Variants in RIMBP2 observed in about 807,000 individuals in gnomAD.
RIMBP2 encodes the protein RIMS binding protein 2.
RIMBP2 carries 48 observed loss-of-function variants against 118.6 expected under a neutral mutation model. That is an observed-to-expected ratio of 0.40 (90% CI 0.32 to 0.51). The LOEUF (loss-of-function observed/expected upper bound fraction) is 0.51. Among genes scored for constraint, RIMBP2 ranks in the 20% least tolerant of loss-of-function variants. The probability of loss-of-function intolerance (pLI) is 0.41; values close to 1 mark genes in which losing one functional copy is unlikely to be tolerated. For missense variants in RIMBP2, 1,551 were observed against 1,768.3 expected (o/e 0.88, Z 2.20); for synonymous variants, 762 against 742.9 (o/e 1.03, Z -0.42).
At position 130,614,403 on chromosome 12, in the gene RIMBP2, C is replaced by T. The variant is rs7980265; in HGVS notation, c.-217+13919G>A. ...CCTCTGCCCTAACAACACAACACTT[C>T]TCACATGTTAGATGTGGAAAAACTG... is the stretch of plus-strand genomic sequence containing the variant. On this transcript the variant is annotated intron_variant, in intron 2 of 22. Coordinates refer to ENST00000690449, the MANE Select transcript of RIMBP2 (RefSeq NM_001393629.1). Among the ~76,000 whole-genome samples the T allele has an allele frequency of 7.0e-3, 1,059 of 152,288 alleles. 12 individuals carry two copies. Among genetic ancestry groups the T allele is most frequent in the African/African-American group, 0.024 (993 of 41,562 alleles).
At chr12:130,535,779 A>G (rs1036653346) in intron 2 of RIMBP2, among the ~76,000 whole-genome samples, 176 of 110,888 alleles carry the variant, frequency 1.6e-3, no homozygotes, top group South Asian at 7.6e-3. Context: ...ATATATATAT[A>G]TATACACATA....
rs932705510 is a variant in RIMBP2 at position 130,679,956 on chromosome 12, G to A, written c.-352+36266C>T. Among the ~76,000 whole-genome samples, 9 of 151,666 alleles carry A rather than the reference G, an allele frequency of 5.9e-5. No individual in the cohort carries two copies. In the East Asian group the frequency reaches 1.2e-3, roughly 20 times the overall value. ...GGGAAGGACCCGTGAGTGTGATCACGCAGGGAGTGTGTTCGCCCGCCGTGG... is the reference window on the plus strand; with the variant it reads ...GGGAAGGACCCGTGAGTGTGATCACACAGGGAGTGTGTTCGCCCGCCGTGG... On this transcript the variant is annotated intron_variant, in intron 1 of 22. Transcript: ENST00000690449.
chr12:130,509,694 C>A (rs746385622), intron 3 of RIMBP2, among the ~76,000 whole-genome samples: 2 of 151,008 alleles, frequency 1.3e-5, no homozygotes, highest in South Asian at 2.1e-4. Flanking sequence ...AGACTCCCAA[C>A]CTCCTTTGCA....
chr12:130,599,846 C>G (rs1246521862), intron 2 of RIMBP2, among the ~76,000 whole-genome samples: 1 of 152,160 alleles, frequency 6.6e-6, no homozygotes, highest in Admixed American at 6.5e-5. Flanking sequence ...TTCTTGGGGC[C>G]CCCAAATCAC....
chr12:130,530,020 A>G (rs776509351), intron 2 of RIMBP2, among the ~76,000 whole-genome samples: 2 of 152,104 alleles, frequency 1.3e-5, no homozygotes, highest in Non-Finnish European at 2.9e-5. Context: ...CCCACACTAT[A>G]AGGGAAAAGA....
chr12:130,543,098 A>G (rs2054757953), intron 2 of RIMBP2, among the ~76,000 whole-genome samples: 1 of 152,200 alleles, frequency 6.6e-6, no homozygotes, highest in African/African-American at 2.4e-5. Context: ...ATCTTTCAAT[A>G]TTCTGCCCTA....
Position 130,523,636 on chromosome 12 carries a change from T to C in RIMBP2, c.-216-5719A>G, listed in dbSNP as rs2052421702. ...CTGACAAGAGAAAGGAAAAAGCACGTTCTTTCAATAAACTTGTCAATTTTA... is the reference window on the plus strand; with the variant it reads ...CTGACAAGAGAAAGGAAAAAGCACGCTCTTTCAATAAACTTGTCAATTTTA... On this transcript the variant is annotated intron_variant, in intron 2 of 22. Coordinates refer to ENST00000690449, the MANE Select transcript of RIMBP2 (RefSeq NM_001393629.1). This position sits in a 1 kb window ranked among gnomAD's most constrained non-coding sequence, Gnocchi z 4.4. Among the ~76,000 whole-genome samples the C allele has an allele frequency of 1.3e-5, 2 of 152,156 alleles. No individual in the cohort carries two copies. Among genetic ancestry groups the C allele is most frequent in the African/African-American group, 4.8e-5 (2 of 41,438 alleles).
At chr12:130,665,119 C>T (rs1290326918) in intron 1 of RIMBP2, among the ~76,000 whole-genome samples, 2 of 151,660 alleles carry the variant, frequency 1.3e-5, no homozygotes, top group Non-Finnish European at 2.9e-5. Context: ...GAAGAGGGGG[C>T]CCTGGGAATT....
chr12:130,451,131 C>A, intron 8 of RIMBP2, 64 bp downstream of exon 8: 2 of 1,553,828 alleles, frequency 1.3e-6, no homozygotes, highest in South Asian at 1.2e-5. Flanking sequence ...ACAAACTGGC[C>A]AACGTCCACA....
Position 130,424,258 on chromosome 12 carries a change from C to T in RIMBP2, c.3013G>A (p.Glu1005Lys), listed in dbSNP as rs965477594. ...RPPPRKHGWG[E>K]PTEHQDFRGV... ...CGAAAATCTTGGTGCTCGGTGGGCT[C>T]GCCCCAGCCGTGCTTCCTGGGGGGC... Residue 1005 changes from glutamate (E) to lysine (K), a missense_variant, in exon 16 of 23, where the codon GAG becomes AAG. Physicochemically the swap from Glu to Lys is moderately conservative, Grantham distance 56. This residue lies in a region of RIMBP2 where 1,038 missense variants were observed against 1,125.1 expected (regional missense o/e 0.92). Transcript: ENST00000690449. The surrounding 1 kb of genome is among the most constrained non-coding windows in gnomAD (Gnocchi z 9.8). The T allele has an allele frequency of 1.6e-5, 20 of 1,231,712 alleles. No individual in the cohort carries two copies. Among genetic ancestry groups the T allele is most frequent in the Middle Eastern group, 3.1e-4 (1 of 3,230 alleles). 76.3% of individuals were successfully genotyped at this position (1,231,712 alleles called of 1,614,324 possible). A position where few individuals can be genotyped will look rare whatever the true frequency, so the allele number is the denominator to read the frequency against.
At chr12:130,563,973 G>A (rs1047307809) in intron 2 of RIMBP2, among the ~76,000 whole-genome samples, 11 of 115,786 alleles carry the variant, frequency 9.5e-5, no homozygotes, top group South Asian at 2.8e-4. Context: ...TTTTCCCCTC[G>A]CTCACTCCAT....
At chr12:130,635,903 T>C (rs10219579) in intron 1 of RIMBP2, among the ~76,000 whole-genome samples, 132,371 of 151,878 alleles carry the variant, frequency 0.87, 57,902 homozygotes, top group Non-Finnish European at 0.91. Flanking sequence ...ACATCCACTC[T>C]ACCACCCCCT....
At chr12:130,606,706 C>T (rs1403868952) in intron 2 of RIMBP2, among the ~76,000 whole-genome samples, 1 of 152,158 alleles carries the variant, frequency 6.6e-6, no homozygotes, top group Non-Finnish European at 1.5e-5. Flanking sequence ...CTCCAGCCTC[C>T]TCCTCACCTT....
intron 2 of RIMBP2, among the ~76,000 whole-genome samples, chr12:130,612,969 G>A (rs1039868897): frequency 7.0e-6 from 1 of 143,512 alleles, no homozygotes; most frequent in African/African-American, 2.6e-5. Context: ...CTAGTCTCCA[G>A]CCCCCCGTCA....
chr12:130,713,818 A>C (rs1201149834), intron 1 of RIMBP2, among the ~76,000 whole-genome samples: 1 of 152,168 alleles, frequency 6.6e-6, no homozygotes, highest in Non-Finnish European at 1.5e-5. Context: ...AGACCAACCT[A>C]TGAGGCGTGC....
intron 1 of RIMBP2, among the ~76,000 whole-genome samples, chr12:130,697,902 C>G (rs2065650624): frequency 6.6e-6 from 1 of 152,216 alleles, no homozygotes; most frequent in Admixed American, 6.5e-5. Context: ...ATGCACTGAA[C>G]TTGCAGGAAA....
chr12:130,438,335 A>AGCCCCC, intron 12 of RIMBP2, 30 bp downstream of exon 12: 38 of 864,964 alleles, frequency 4.4e-5, no homozygotes, highest in Non-Finnish European at 5.7e-5. Context: ...GGCCTAACAA[A>AGCCCCC]CCCTCCCCAC....
At position 130,646,279 on chromosome 12, in the gene RIMBP2, C is replaced by T. The variant is rs1471051681; in HGVS notation, c.-351-17823G>A. Among the ~76,000 whole-genome samples the T allele has an allele frequency of 1.1e-4, 10 of 88,004 alleles. 3 individuals carry two copies. Among genetic ancestry groups the T allele is most frequent in the Non-Finnish European group, 1.5e-4 (6 of 40,150 alleles). The allele number at this position is 88,004 out of a possible 152,430, so 57.7% of individuals were successfully genotyped here. A position where few individuals can be genotyped will look rare whatever the true frequency, so the allele number is the denominator to read the frequency against. The stretch of plus-strand genomic sequence containing the variant: ...CTTCCCTCTCCACCTGCCTCACCAC[C>T]TCCCTCACCACCTGCCTCTCCACCT... On this transcript the variant is annotated intron_variant, in intron 1 of 22. Coordinates refer to ENST00000690449, the MANE Select transcript of RIMBP2 (RefSeq NM_001393629.1).
At chr12:130,642,201 C>G (rs956726717) in intron 1 of RIMBP2, among the ~76,000 whole-genome samples, 5 of 152,218 alleles carry the variant, frequency 3.3e-5, no homozygotes, top group Admixed American at 6.5e-5. Context: ...ATGGCTTCCC[C>G]TCCAGGACAC....
Sources: gnomAD v4.1 joint callset for allele counts (sites outside exome capture counted in the v4.1 genomes callset) on GRCh38, gnomAD v4.1.1 for gene constraint, gnomAD v4.1.1 regional missense constraint, Gnocchi (gnomAD v3.1) non-coding constraint, MANE v1.5 for transcripts, NCBI Gene and HGNC (gene_info 2026-07-23, HGNC 2026-07-21) for gene names.